DNAH6: variants seen among roughly 807,000 people sequenced by gnomAD.
The protein encoded by DNAH6 is dynein axonemal heavy chain 6, also known as axonemal beta dynein heavy chain 6.
A neutral mutation model predicts 491.4 loss-of-function variants in DNAH6; 340 were observed. The observed-to-expected ratio is 0.69, with a 90% CI of 0.63 to 0.76. The LOEUF is 0.76. Ranked by LOEUF, DNAH6 falls within the 30% of genes least tolerant of loss-of-function variation. DNAH6 has a pLI of 0.00. For missense variants in DNAH6, 4,443 were observed against 4,972.2 expected (o/e 0.89, Z 3.20); for synonymous variants, 1,603 against 1,686.1 (o/e 0.95, Z 1.21).
At chr2:84,469,360 A>G in the DNAH6 span, among the ~76,000 whole-genome samples, 5 of 152,142 alleles carry the variant, frequency 3.3e-5, no homozygotes, top group African/African-American at 1.2e-4. This position sits in a 1 kb window ranked among gnomAD's most constrained non-coding sequence, Gnocchi z 4.0. Context: ...GGCCAAAGCA[A>G]AATACATGTG....
chr2:84,554,211 T>C (rs1679798079), intron 10 of DNAH6, among the ~76,000 whole-genome samples: 1 of 152,226 alleles, frequency 6.6e-6, no homozygotes, highest in Non-Finnish European at 1.5e-5. Flanking sequence ...CAGTCACATC[T>C]ATCAAGGATA....
chr2:84,676,310 A>C (rs539565217), intron 40 of DNAH6, among the ~76,000 whole-genome samples: 1 of 152,064 alleles, frequency 6.6e-6, no homozygotes, highest in Admixed American at 6.5e-5. Flanking sequence ...ACACTTTCAC[A>C]TTTTTGTGCC....
At chr2:84,815,105 A>C (rs1225210274) in intron 75 of DNAH6, among the ~76,000 whole-genome samples, 1 of 152,256 alleles carries the variant, frequency 6.6e-6, no homozygotes, top group African/African-American at 2.4e-5. Context: ...TTTTCAGGCA[A>C]ACCTGCATAA....
the DNAH6 span, among the ~76,000 whole-genome samples, chr2:84,508,291 C>G: frequency 1.4e-4 from 22 of 152,298 alleles, no homozygotes; most frequent in African/African-American, 5.3e-4. Flanking sequence ...CAGGTTTAGT[C>G]TTGGGAGAGT....
At chr2:84,599,534 T>C (rs1349086841) in intron 18 of DNAH6, among the ~76,000 whole-genome samples, 1 of 152,196 alleles carries the variant, frequency 6.6e-6, no homozygotes, top group Non-Finnish European at 1.5e-5. Context: ...GGTGTACTTT[T>C]GTACATATTA....
rs1678887525 is a variant in DNAH6 at position 84,547,415 on chromosome 2, G to A, written c.1065+13G>A. 6.4e-7 allele frequency: 1 copy of A among 1,551,454 alleles called. No individual in the cohort carries two copies. The highest frequency in any genetic ancestry group is 1.2e-5 in the South Asian group (1 of 84,054). ...ACGGCTAGCAGAGGTAACAAATTTT[G>A]TCTATAAGAATCAAAGCTTTTTTCC... On this transcript the variant is annotated intron_variant, in intron 6 of 76. Transcript: ENST00000389394.
At chr2:84,780,861 T>A (rs1480335135) in intron 64 of DNAH6, among the ~76,000 whole-genome samples, 1 of 152,144 alleles carries the variant, frequency 6.6e-6, no homozygotes, top group Non-Finnish European at 1.5e-5. Context: ...TGTTTCTGGG[T>A]GCTTTCAGAG....
At chr2:84,558,438 A>T (rs942706604) in intron 11 of DNAH6, among the ~76,000 whole-genome samples, 5 of 151,838 alleles carry the variant, frequency 3.3e-5, no homozygotes, top group Admixed American at 6.6e-5. Flanking sequence ...AAAAAAAAAA[A>T]AGGCATTAAA....
chr2:84,800,564 C>T (rs1300089562), intron 70 of DNAH6, among the ~76,000 whole-genome samples: 1 of 152,096 alleles, frequency 6.6e-6, no homozygotes, highest in Admixed American at 6.5e-5. Context: ...AAGAACCAAA[C>T]AGAGCTTCTG....
intron 12 of DNAH6, among the ~76,000 whole-genome samples, chr2:84,576,810 G>C (rs1344752173): frequency 6.6e-6 from 1 of 152,150 alleles, no homozygotes; most frequent in South Asian, 2.1e-4. Context: ...GTTGGGAAGA[G>C]AAACAGAGAT....
intron 64 of DNAH6, among the ~76,000 whole-genome samples, chr2:84,775,102 T>C (rs186973788): frequency 1.8e-3 from 273 of 152,290 alleles, no homozygotes; most frequent in Non-Finnish European, 2.1e-3. Context: ...AGGAGAATGG[T>C]TCCAGCTTTT....
intron 10 of DNAH6, among the ~76,000 whole-genome samples, 153 bp from the exon 11 acceptor site, chr2:84,557,582 G>A (rs542509206): frequency 2.7e-4 from 35 of 131,480 alleles, no homozygotes; most frequent in African/African-American, 7.6e-4. Context: ...CCCGGGAAGC[G>A]GAGCTTGCAG....
chr2:84,482,111 C>T, the DNAH6 span, among the ~76,000 whole-genome samples: 1 of 152,198 alleles, frequency 6.6e-6, no homozygotes, highest in Admixed American at 6.5e-5. Context: ...AGGGAACCCA[C>T]CTCCTGACAC....
chr2:84,693,469 C>T (rs922912645), intron 45 of DNAH6, among the ~76,000 whole-genome samples: 28 of 152,060 alleles, frequency 1.8e-4, no homozygotes, highest in African/African-American at 2.4e-5. Context: ...GTTGGCCGGG[C>T]GTGGTGGCTC....
At chr2:84,464,610 C>G in the DNAH6 span, among the ~76,000 whole-genome samples, 1 of 152,180 alleles carries the variant, frequency 6.6e-6, no homozygotes, top group South Asian at 2.1e-4. Flanking sequence ...TCATGATATG[C>G]TAAACAAGGG....
the DNAH6 span, among the ~76,000 whole-genome samples, chr2:84,460,663 G>GAT: frequency 6.6e-6 from 1 of 151,728 alleles, no homozygotes; most frequent in Non-Finnish European, 1.5e-5. Flanking sequence ...GAATTGAATT[G>GAT]ATATATATAG....
chr2:84,722,307 T>C (rs1698236874), intron 59 of DNAH6, among the ~76,000 whole-genome samples: 1 of 152,126 alleles, frequency 6.6e-6, no homozygotes, highest in Non-Finnish European at 1.5e-5. Flanking sequence ...TCGGGAGCAA[T>C]TAGGAGTGCT....
intron 4 of DNAH6, among the ~76,000 whole-genome samples, chr2:84,529,958 T>C (rs1676998917): frequency 6.6e-6 from 1 of 152,192 alleles, no homozygotes. Context: ...AGCTTTTTAA[T>C]CAAAATTTAA....
At chr2:84,811,133 C>A (rs1213907084) in intron 72 of DNAH6, among the ~76,000 whole-genome samples, 1 of 152,146 alleles carries the variant, frequency 6.6e-6, no homozygotes, top group Non-Finnish European at 1.5e-5. Flanking sequence ...CTACCACTAC[C>A]TCTTGTGAAA....
Sources: allele counts gnomAD v4.1 joint callset (sites outside exome capture counted in the v4.1 genomes callset), GRCh38; gene constraint gnomAD v4.1.1; non-coding constraint Gnocchi (gnomAD v3.1); transcripts MANE v1.5; gene names NCBI Gene and HGNC (gene_info 2026-07-23, HGNC 2026-07-21).